Variants in DNAH10 observed in about 807,000 individuals in gnomAD.
The protein encoded by DNAH10 is axonemal beta dynein heavy chain 10.
Under a neutral mutation model 506.6 loss-of-function variants are expected in DNAH10, and 348 were observed. That is an observed-to-expected ratio of 0.69 (90% confidence interval 0.63 to 0.75). The LOEUF is 0.75. Among genes scored for constraint, DNAH10 ranks in the 30% least tolerant of loss-of-function variants. The probability of loss-of-function intolerance (pLI) is 0.00; values close to 1 mark genes in which losing one functional copy is unlikely to be tolerated. For synonymous variants in DNAH10, 2,059 were observed against 2,198.6 expected (o/e 0.94, Z 1.78); for missense variants, 5,179 against 5,787.1 (o/e 0.89, Z 3.41).
chr12:123,871,399 C>T (rs1265580766), intron 44 of DNAH10, 58 bp from the exon 45 acceptor site: 20 of 1,551,344 alleles, frequency 1.3e-5, no homozygotes, highest in African/African-American at 2.7e-5. Flanking sequence ...CCATGTTGCC[C>T]CCAGTGCTCA....
rs761325691 is a variant in DNAH10 at position 123,853,319 on chromosome 12, T to C, written c.6405T>C (p.Gly2135=). The C allele has an allele frequency of 1.6e-5, 25 of 1,608,092 alleles. No homozygotes were observed. The highest frequency in any genetic ancestry group is 1.7e-4 in the Middle Eastern group (1 of 6,056). The change falls in exon 36 of 79, where the codon GGT becomes GGC. Residue 2135 remains glycine, a synonymous_variant. Transcript: ENST00000673944. The surrounding 1 kb of genome is among the most constrained non-coding windows in gnomAD (Gnocchi z 4.7). ...TGAAATCGGTGCTGGTCATGGCTGG[T>C]GAGCTGAAGAGAGGCTCCTCTGACC... ...RALKSVLVMA[G]ELKRGSSDLR...
chr12:123,796,624 T>A, intron 12 of DNAH10, 32 bp from the exon 13 acceptor site: 1 of 1,556,572 alleles, frequency 6.4e-7, no homozygotes, highest in South Asian at 1.2e-5. Context: ...GCGATGTTTA[T>A]CACTTACAGA....
In DNAH10 at chr12:123,898,682, G is replaced by A. The variant is rs1953370519; in HGVS notation, c.9508G>A (p.Asp3170Asn). ...AQCKRLDGGLDKLKEATIQLD... is the reference protein window; with the variant it reads ...AQCKRLDGGLNKLKEATIQLD... ...GTGCAAGCGTCTGGATGGGGGACTG[G>A]ACAAGCTGAAGGAGGCCACCATCCA... Residue 3170 changes from aspartate to asparagine, a missense_variant, in exon 56 of 79, where the codon GAC becomes AAC. Around this residue, in one of 3 missense-constraint regions of DNAH10, gnomAD observed 4,844 missense variants for 5,430.5 expected, o/e 0.89. Coordinates refer to ENST00000673944, the MANE Select transcript of DNAH10 (RefSeq NM_001372106.1). The A allele has an allele frequency of 1.3e-6, 2 of 1,595,398 alleles. No individual in the cohort carries two copies. Among genetic ancestry groups the A allele is most frequent in the Admixed American group, 1.8e-5 (1 of 57,130 alleles).
At chr12:123,830,499 C>T (rs762841960) in intron 25 of DNAH10, 47 bp from the exon 26 acceptor site, 1 of 1,557,500 alleles carries the variant, frequency 6.4e-7, no homozygotes, top group East Asian at 2.3e-5. Context: ...TTGAACTCCT[C>T]ACTAAATTCA....
At chr12:123,788,389 C>G (rs1277866946) in intron 10 of DNAH10, among the ~76,000 whole-genome samples, 1 of 152,192 alleles carries the variant, frequency 6.6e-6, no homozygotes, top group African/African-American at 2.4e-5. Flanking sequence ...CCCAGAGCTC[C>G]ACGGATGGAC....
At chr12:123,766,287 G>GCCTACCTACCTACCTACCTACCTA (rs146604271) in intron 1 of DNAH10, among the ~76,000 whole-genome samples, 4 of 150,486 alleles carry the variant, frequency 2.7e-5, no homozygotes, top group East Asian at 2.0e-4. Context: ...CAATTAATCA[G>GCCTACCTACCTACCTACCTACCTA]CCTACCTACC....
Position 123,919,041 on chromosome 12 carries a change from A to G in DNAH10, c.11506+92A>G, listed in dbSNP as rs1052296605. On this transcript the variant is annotated intron_variant, in intron 65 of 78. Transcript: ENST00000673944. The surrounding 1 kb of genome is among the most constrained non-coding windows in gnomAD (Gnocchi z 4.9). ...ACGTGATCTGTGAAAATGGAAAGTT[A>G]CCAAATAGCATTTTTTCTTTTTTCT... 5.1e-6 allele frequency: 7 copies of G among 1,383,452 alleles called. No individual in the cohort carries two copies. In the African/African-American group the frequency reaches 7.3e-5, roughly 14 times the overall value. 85.7% of individuals were successfully genotyped at this position (1,383,452 alleles called of 1,614,324 possible). A position where few individuals can be genotyped will look rare whatever the true frequency, so the allele number is the denominator to read the frequency against.
intron 18 of DNAH10, among the ~76,000 whole-genome samples, chr12:123,806,008 C>T (rs1276791664): frequency 6.6e-6 from 1 of 152,180 alleles, no homozygotes; most frequent in Non-Finnish European, 1.5e-5. Context: ...GATCTCCTGA[C>T]CTCATGATCC....
chr12:123,923,940 GAAAC>G (rs1314187353), intron 66 of DNAH10, 73 bp downstream of exon 66: 1 of 1,161,718 alleles, frequency 8.6e-7, no homozygotes, highest in African/African-American at 1.6e-5. Flanking sequence ...TTTGTCTGTT[GAAAC>G]AAACAATAAC....
At chr12:123,832,928 C>G (rs1424843243) in intron 26 of DNAH10, among the ~76,000 whole-genome samples, 186 bp from the exon 27 acceptor site, 1 of 152,294 alleles carries the variant, frequency 6.6e-6, no homozygotes, top group South Asian at 2.1e-4. Context: ...ACATGCTTAC[C>G]TGCCACATAG....
Position 123,916,829 on chromosome 12 carries a change from C to G in DNAH10, c.11002+93C>G. On this transcript the variant is annotated intron_variant, in intron 63 of 78. Coordinates refer to ENST00000673944, the MANE Select transcript of DNAH10 (RefSeq NM_001372106.1). The surrounding 1 kb of genome is among the most constrained non-coding windows in gnomAD (Gnocchi z 4.6). ...GGCATTCATGGGACATCATTTCACT[C>G]AGTGACCCCAGATCATTCTCTCATA... 7.0e-7 allele frequency: 1 copy of G among 1,423,386 alleles called. No homozygotes were observed. Among genetic ancestry groups the G allele is most frequent in the South Asian group, 1.4e-5 (1 of 71,292 alleles). 88.2% of individuals were successfully genotyped at this position (1,423,386 alleles called of 1,614,324 possible). A position where few individuals can be genotyped will look rare whatever the true frequency, so the allele number is the denominator to read the frequency against.
At chr12:123,777,705 G>C (rs969939644) in intron 5 of DNAH10, among the ~76,000 whole-genome samples, 3 of 152,146 alleles carry the variant, frequency 2.0e-5, no homozygotes, top group Non-Finnish European at 4.4e-5. Flanking sequence ...GAGTGCAGTG[G>C]CGCGAGCATG....
chr12:123,903,245 G>C lies in DNAH10; in HGVS notation c.9815+132G>C. On this transcript the variant is annotated intron_variant, in intron 57 of 78. Coordinates refer to ENST00000673944, the MANE Select transcript of DNAH10 (RefSeq NM_001372106.1). The surrounding 1 kb of genome is among the most constrained non-coding windows in gnomAD (Gnocchi z 4.6). Reference sequence around the variant, plus strand: ...TGCCACTGTGCCTGGCTCTCTCCATGGTGGAGACTGTTGTTGCCCTCATTT... The same window carrying C: ...TGCCACTGTGCCTGGCTCTCTCCATCGTGGAGACTGTTGTTGCCCTCATTT... 8.2e-7 allele frequency: 1 copy of C among 1,222,018 alleles called. No homozygotes were observed. Among genetic ancestry groups the C allele is most frequent in the Non-Finnish European group, 1.1e-6 (1 of 907,332 alleles). The allele number at this position is 1,222,018 out of a possible 1,614,324, so 75.7% of individuals were successfully genotyped here. A position where few individuals can be genotyped will look rare whatever the true frequency, so the allele number is the denominator to read the frequency against.
At chr12:123,876,848 T>A (rs1952276315) in intron 47 of DNAH10, among the ~76,000 whole-genome samples, 1 of 151,710 alleles carries the variant, frequency 6.6e-6, no homozygotes, top group Non-Finnish European at 1.5e-5. Flanking sequence ...TAGTCCCAGC[T>A]ACAAAGGAGG....
intron 59 of DNAH10, among the ~76,000 whole-genome samples, chr12:123,912,565 C>G (rs1053592654): frequency 6.6e-6 from 1 of 151,946 alleles, no homozygotes; most frequent in Non-Finnish European, 1.5e-5. Flanking sequence ...GCCAGCAGCA[C>G]CCTCCCTCCA....
chr12:123,886,406 T>G (rs1952727969), intron 51 of DNAH10, among the ~76,000 whole-genome samples: 1 of 152,082 alleles, frequency 6.6e-6, no homozygotes, highest in African/African-American at 2.4e-5. Context: ...TGAGGAAGGT[T>G]TGCAGGCGAC....
chr12:123,864,693 G>A lies in DNAH10; in HGVS notation c.7007G>A (p.Arg2336His), dbSNP rs748343428. 41 of 1,613,830 alleles carry A rather than the reference G, an allele frequency of 2.5e-5. No individual in the cohort carries two copies. Among genetic ancestry groups the A allele is most frequent in the Admixed American group, 2.2e-4 (13 of 60,012 alleles). The change falls in exon 40 of 79, where the codon CGC (arginine) becomes CAC (histidine). Residue 2336 changes from arginine (R) to histidine (H), a missense_variant. Physicochemically the swap from Arg to His is conservative, Grantham distance 29. Transcript: ENST00000673944. ...NRLLTLANGE[R>H]IRLQAHCALL... ...TTGTTGACATTGGCCAACGGGGAAC[G>A]CATCCGGCTCCAAGCACACTGTGCC...
chr12:123,887,355 C>T (rs1383770306), intron 52 of DNAH10, 42 bp downstream of exon 52: 2 of 1,592,420 alleles, frequency 1.3e-6, no homozygotes, highest in South Asian at 2.3e-5. Context: ...ACACCCCGCT[C>T]AGCTCTTAAG....
At chr12:123,835,692 G>A (rs34058818) in intron 28 of DNAH10, among the ~76,000 whole-genome samples, 164 bp downstream of exon 28, 2,764 of 152,150 alleles carry the variant, frequency 0.018, 43 homozygotes, top group Non-Finnish European at 0.026. Flanking sequence ...TGATGTGATC[G>A]TGGCTCCCTG....
Sources: allele counts gnomAD v4.1 joint callset (sites outside exome capture counted in the v4.1 genomes callset), GRCh38; gene constraint gnomAD v4.1.1; regional missense constraint gnomAD v4.1.1; non-coding constraint Gnocchi (gnomAD v3.1); transcripts MANE v1.5; gene names NCBI Gene and HGNC (gene_info 2026-07-23, HGNC 2026-07-21).